Variants in CA10 observed in about 807,000 individuals in gnomAD.
CA10 encodes the protein carbonic anhydrase 10 (inactive).
A neutral mutation model predicts 44.2 loss-of-function variants in CA10; 14 were observed. The ratio of observed to expected loss-of-function variants is 0.32; its 90% CI spans 0.21 to 0.50. The LOEUF is 0.50. Ranked by LOEUF, CA10 falls within the 20% of genes least tolerant of loss-of-function variation. The pLI, the probability that CA10 is intolerant of heterozygous loss-of-function variation, is 0.99. For synonymous variants in CA10, 159 were observed against 141.6 expected (o/e 1.12, Z -0.87); for missense variants, 350 against 409.7 (o/e 0.85, Z 1.26).
rs1328023917 is a variant in CA10, at chr17:51,930,888, G to T, written c.279+102C>A. ...CTGAAGTCTGTGGTATTCCTAGGTG[G>T]GAGGACAAACTCATCACAGAGACTG... is the stretch of plus-strand genomic sequence containing the variant. On this transcript the variant is annotated intron_variant, in intron 3 of 8. Coordinates refer to ENST00000451037, the MANE Select transcript of CA10 (RefSeq NM_020178.5). The T allele has an allele frequency of 6.4e-5, 87 of 1,353,876 alleles. 2 individuals carry two copies. The South Asian group carries it at 8.7e-4, about 14-fold the overall frequency. The allele number at this position is 1,353,876 out of a possible 1,614,324, so 83.9% of individuals were successfully genotyped here.
At chr17:52,052,177 G>C (rs1450728570) in intron 2 of CA10, among the ~76,000 whole-genome samples, 1 of 151,602 alleles carries the variant, frequency 6.6e-6, no homozygotes, top group East Asian at 1.9e-4. Context: ...AATAAGTAAT[G>C]GGTACTAGGC....
intron 2 of CA10, among the ~76,000 whole-genome samples, chr17:52,036,343 C>A (rs549736458): frequency 2.0e-5 from 3 of 152,200 alleles, no homozygotes; most frequent in Admixed American, 6.5e-5. Context: ...GTGCTAGGCT[C>A]TGGGTATATA....
chr17:51,861,084 A>T lies in CA10; in HGVS notation c.279+69906T>A, dbSNP rs575867681. 5.3e-5 allele frequency among the ~76,000 whole-genome samples: 8 copies of T among 152,298 alleles called. No individual in the cohort carries two copies. In the East Asian group the frequency reaches 1.5e-3, roughly 29 times the overall value. On this transcript the variant is annotated intron_variant, in intron 3 of 8. Transcript: ENST00000451037. ...ACTTTGCTTTGAGGTGCTGGGACTA[A>T]GGACTAGCAACCTGCGTTTCTGCTT...
intron 3 of CA10, among the ~76,000 whole-genome samples, chr17:51,872,490 C>T (rs955317528): frequency 2.0e-5 from 3 of 152,184 alleles, no homozygotes; most frequent in African/African-American, 4.8e-5. Flanking sequence ...TGTTCTTCCC[C>T]CTTCAGAGAC....
chr17:52,158,059 C>A lies in CA10; in HGVS notation c.-273G>T. 1.9e-6 allele frequency: 1 copy of A among 539,884 alleles called. No individual in the cohort carries two copies. Among genetic ancestry groups the A allele is most frequent in the Non-Finnish European group, 3.3e-6 (1 of 301,794 alleles). The allele number at this position is 539,884 out of a possible 1,614,324, so 33.4% of individuals were successfully genotyped here. ...GCTGCCTTGGAGGTCTCCCCGCTCGCGTGTCTCTTCTCTTCGCACCAGCGG... is the reference window on the plus strand; with the variant it reads ...GCTGCCTTGGAGGTCTCCCCGCTCGAGTGTCTCTTCTCTTCGCACCAGCGG... On this transcript the variant is annotated 5_prime_UTR_variant, in exon 1 of 9. Transcript: ENST00000451037.
chr17:51,870,819 A>G (rs1979768784), intron 3 of CA10, among the ~76,000 whole-genome samples: 1 of 152,158 alleles, frequency 6.6e-6, no homozygotes. Context: ...GAAAGGATGA[A>G]TTACAAATAA....
intron 2 of CA10, among the ~76,000 whole-genome samples, chr17:51,944,885 C>A (rs1463013698): frequency 1.3e-5 from 2 of 152,144 alleles, no homozygotes; most frequent in African/African-American, 4.8e-5. Flanking sequence ...GATTAATTTT[C>A]TTATCACATC....
chr17:52,155,919 A>G (rs1172426519), intron 1 of CA10, among the ~76,000 whole-genome samples: 2 of 152,220 alleles, frequency 1.3e-5, no homozygotes, highest in Non-Finnish European at 2.9e-5. Flanking sequence ...CAAATCAAAT[A>G]TAGCTGTGAC....
chr17:51,737,741 T>C (rs1313597977), intron 4 of CA10, among the ~76,000 whole-genome samples: 1 of 152,118 alleles, frequency 6.6e-6, no homozygotes, highest in Admixed American at 6.6e-5. Context: ...GTCCTTCCCT[T>C]AGTGTGTTTG....
At chr17:51,647,236 G>C (rs1913377061) in intron 6 of CA10, among the ~76,000 whole-genome samples, 1 of 152,142 alleles carries the variant, frequency 6.6e-6, no homozygotes, top group African/African-American at 2.4e-5. Context: ...TCCTGAAAGA[G>C]GCCATTCATC....
chr17:51,840,004 C>T (rs925044520), intron 3 of CA10, among the ~76,000 whole-genome samples: 1 of 152,166 alleles, frequency 6.6e-6, no homozygotes, highest in African/African-American at 2.4e-5. Context: ...AACTCGGGCT[C>T]ATGTGCATAA....
At chr17:51,713,895 C>G (rs1477108254) in intron 4 of CA10, among the ~76,000 whole-genome samples, 2 of 152,116 alleles carry the variant, frequency 1.3e-5, no homozygotes, top group Non-Finnish European at 2.9e-5. Flanking sequence ...ATCGGAGATC[C>G]CTGGTACTGA....
intron 2 of CA10, among the ~76,000 whole-genome samples, chr17:52,062,408 G>A (rs1381748906): frequency 6.6e-6 from 1 of 152,118 alleles, no homozygotes; most frequent in Admixed American, 6.6e-5. Context: ...GGTGCTGAGG[G>A]GTAACCACTT....
chr17:52,073,833 TC>T (rs1163943192), intron 1 of CA10, among the ~76,000 whole-genome samples: 1 of 151,986 alleles, frequency 6.6e-6, no homozygotes, highest in Non-Finnish European at 1.5e-5. Flanking sequence ...AAAGGTTCTG[TC>T]CAACCAGGGA....
At chr17:51,714,181 G>C (rs534133154) in intron 4 of CA10, among the ~76,000 whole-genome samples, 1 of 151,910 alleles carries the variant, frequency 6.6e-6, no homozygotes, top group African/African-American at 2.4e-5. Context: ...CAATTTGAGA[G>C]GCAGGGTGTG....
At chr17:51,689,739 C>T (rs1915124240) in intron 4 of CA10, among the ~76,000 whole-genome samples, 1 of 152,138 alleles carries the variant, frequency 6.6e-6, no homozygotes, top group African/African-American at 2.4e-5. Flanking sequence ...CCTTTTCTTT[C>T]TCTTTTTTCC....
intron 3 of CA10, among the ~76,000 whole-genome samples, chr17:51,863,480 C>G (rs1200864973): frequency 4.6e-5 from 7 of 152,140 alleles, no homozygotes; most frequent in Admixed American, 2.6e-4. Flanking sequence ...GATTTTCTTT[C>G]TTTGATTTTG....
chr17:52,159,329 C>G (rs540380476), upstream of CA10: 2 of 152,322 alleles, frequency 1.3e-5, no homozygotes, highest in Non-Finnish European at 2.9e-5. Flanking sequence ...GCCTGCAAGT[C>G]CCTGCCTCCC....
intron 1 of CA10, among the ~76,000 whole-genome samples, chr17:52,131,886 C>G (rs368682454): frequency 6.6e-6 from 1 of 152,036 alleles, no homozygotes; most frequent in South Asian, 2.1e-4. Context: ...TGGAAATCAT[C>G]ATTCTCAGTA....
Sources: allele counts gnomAD v4.1 joint callset (sites outside exome capture counted in the v4.1 genomes callset), GRCh38; gene constraint gnomAD v4.1.1; transcripts MANE v1.5; gene names NCBI Gene and HGNC (gene_info 2026-07-23, HGNC 2026-07-21).